The following PSG8 variants were observed in gnomAD, a reference collection of about 807,000 sequenced individuals.
PSG8 encodes pregnancy-specific beta-1-glycoprotein 8.
Under a neutral mutation model 42.5 loss-of-function variants are expected in PSG8, and 57 were observed. The observed-to-expected ratio is 1.34, with a 90% CI of 1.08 to 1.67. The LOEUF is 1.67. Ranked by LOEUF, PSG8 falls within the 40% of genes most tolerant of loss-of-function variation. PSG8 has a pLI of 0.00. For missense variants in PSG8, 783 were observed against 518.6 expected (o/e 1.51, Z -4.95); for synonymous variants, 280 against 196.8 (o/e 1.42, Z -3.54).
At chr19:42,764,420 A>C in intron 1 of PSG8, 139 bp from the exon 2 acceptor site, 1 of 1,409,258 alleles carries the variant, frequency 7.1e-7, no homozygotes, top group South Asian at 1.4e-5. Context: ...ACACGCACAC[A>C]CACACACAAA....
At chr19:42,756,207 G>A (rs935527356) in intron 3 of PSG8, 2 of 152,146 alleles carry the variant, frequency 1.3e-5, no homozygotes, top group Non-Finnish European at 2.9e-5. Flanking sequence ...TCTTTCACTG[G>A]ACATTCTACT....
intron 2 of PSG8, among the ~76,000 whole-genome samples, chr19:42,761,329 G>T (rs558408293): frequency 6.6e-6 from 1 of 152,152 alleles, no homozygotes; most frequent in African/African-American, 2.4e-5. Flanking sequence ...TAAAACTAGT[G>T]AAAGACCATG....
In PSG8 at chr19:42,765,510, C is replaced by A; in HGVS notation, c.64+8G>T. The A allele has an allele frequency of 6.2e-7, 1 of 1,610,508 alleles. No homozygotes were observed. The highest frequency in any genetic ancestry group is 8.5e-7 in the Non-Finnish European group (1 of 1,177,672). ...CTCCTGTCCTCTCCCAGGAGGTTCT[C>A]TCCTCACCTGTGAGCAGGAGCCCCT... is the stretch of plus-strand genomic sequence containing the variant. On this transcript the variant is annotated splice_region_variant and intron_variant, in intron 1 of 4. Transcript: ENST00000306511.
At chr19:42,761,196 A>G (rs1970064261) in intron 2 of PSG8, among the ~76,000 whole-genome samples, 1 of 152,188 alleles carries the variant, frequency 6.6e-6, no homozygotes, top group South Asian at 2.1e-4. Context: ...GTCCTCACTC[A>G]TTGCTGGGCA....
At chr19:42,758,572 C>G in intron 2 of PSG8, 1 of 534,926 alleles carries the variant, frequency 1.9e-6, no homozygotes, top group African/African-American at 1.9e-5. Flanking sequence ...TCTCTGAGTC[C>G]CTCCGTCTCC....
intron 4 of PSG8, 145 bp from the exon 5 acceptor site, chr19:42,754,732 C>T (rs1969872738): frequency 1.5e-6 from 2 of 1,312,580 alleles, no homozygotes; most frequent in East Asian, 2.5e-5. Flanking sequence ...TGAGCCGAAT[C>T]CTCAGGTATT....
chr19:42,753,064 C>A (rs1404405468), downstream of PSG8: 2 of 592,000 alleles, frequency 3.4e-6, no homozygotes, highest in South Asian at 2.0e-5. Context: ...TGAGCAAGGA[C>A]AGTTAAGAGG....
downstream of PSG8, chr19:42,752,897 C>T: frequency 7.4e-6 from 2 of 270,052 alleles, no homozygotes; most frequent in Non-Finnish European, 1.4e-5. Flanking sequence ...TATTGGGAGT[C>T]CTGTATGCAA....
At chr19:42,759,551 C>T (rs144774869) in intron 2 of PSG8, among the ~76,000 whole-genome samples, 2 of 152,134 alleles carry the variant, frequency 1.3e-5, no homozygotes, top group African/African-American at 4.8e-5. Flanking sequence ...TTAAAATGCA[C>T]AATGCGCCAG....
intron 2 of PSG8, among the ~76,000 whole-genome samples, chr19:42,762,007 C>A (rs1391149066): frequency 3.3e-5 from 5 of 151,998 alleles, no homozygotes; most frequent in South Asian, 2.1e-4. Context: ...GACCTGGGGA[C>A]ATTGGCTCGA....
In PSG8 at chr19:42,760,063, C is replaced by A. The variant is rs191993444; in HGVS notation, c.431-1783G>T. Among the ~76,000 whole-genome samples the A allele has an allele frequency of 3.2e-3, 486 of 152,168 alleles. 6 individuals are homozygous for A. Among genetic ancestry groups the A allele is most frequent in the Non-Finnish European group, 6.0e-3 (408 of 67,984 alleles). ...GAACTCCCTGCTTCTAAATTCTGTGCAGAGTTAGGAAAAATGGGGAGGACC... is the reference window on the plus strand; with the variant it reads ...GAACTCCCTGCTTCTAAATTCTGTGAAGAGTTAGGAAAAATGGGGAGGACC... On this transcript the variant is annotated intron_variant, in intron 2 of 4. Transcript: ENST00000306511.
chr19:42,756,863 AT>A (rs942594378), intron 3 of PSG8, among the ~76,000 whole-genome samples: 1 of 151,656 alleles, frequency 6.6e-6, no homozygotes, highest in Non-Finnish European at 1.5e-5. Flanking sequence ...GTGTTTTCTA[AT>A]TCTGCAAAAA....
At position 42,758,258 on chromosome 19, in the gene PSG8, G is replaced by A. The variant is rs149695044; in HGVS notation, c.453C>T (p.Ile151=). The change falls in exon 3 of 5, where the codon ATC becomes ATT. Residue 151 remains isoleucine, a synonymous_variant. Transcript: ENST00000306511. ...TLYLETPKPS[I]SSSKLNPREA... ...CCCTGGGGTTTAATTTGCTGCTGGA[G>A]ATGGAGGGCTTGGGAGTCTCCACTG... is the stretch of plus-strand genomic sequence containing the variant. 49 of 1,614,002 alleles carry A rather than the reference G, an allele frequency of 3.0e-5. No homozygotes were observed. The African/African-American group carries it at 6.0e-4, about 20-fold the overall frequency.
chr19:42,760,436 ATGT>A (rs1322208587), intron 2 of PSG8, among the ~76,000 whole-genome samples: 2 of 152,130 alleles, frequency 1.3e-5, no homozygotes, highest in Non-Finnish European at 2.9e-5. Flanking sequence ...TGAAGTTGAA[ATGT>A]TGTTCCACTT....
In PSG8 at chr19:42,754,440, A is replaced by C; in HGVS notation, c.1136T>G (p.Leu379Arg). The change falls in exon 5 of 5, where the codon CTC becomes CGC. Residue 379 changes from leucine (L) to arginine (R), a missense_variant. By Grantham distance (102) the Leu-to-Arg change is moderately radical. Transcript: ENST00000306511. ...NGKFQLSGQKLFIPQITTKHS... is the reference protein window; with the variant it reads ...NGKFQLSGQKRFIPQITTKHS... ...CTTTGTAGTAATTTGGGGGATAAAG[A>C]GCTTTTGTCCTGATAGCTGAAACTT... is the stretch of plus-strand genomic sequence containing the variant. 6.2e-7 allele frequency: 1 copy of C among 1,613,870 alleles called. No homozygotes were observed.
downstream of PSG8, chr19:42,752,987 C>A (rs1969819473): frequency 2.1e-6 from 1 of 467,352 alleles, no homozygotes; most frequent in African/African-American, 1.9e-5. Context: ...TCTATTGTTA[C>A]CCTCAGAAGC....
At chr19:42,763,757 T>A (rs1970135640) in intron 2 of PSG8, 159 bp downstream of exon 2, 1 of 1,377,388 alleles carries the variant, frequency 7.3e-7, no homozygotes, top group Non-Finnish European at 1.0e-6. Context: ...TGTTGAAATT[T>A]GTCTCCTCTG....
chr19:42,765,471 C>G (rs368091087), intron 1 of PSG8, 47 bp downstream of exon 1: 42 of 1,605,506 alleles, frequency 2.6e-5, no homozygotes, highest in Admixed American at 3.3e-5. Context: ...CCCATCCAGT[C>G]ACTCTGCTTC....
intron 2 of PSG8, among the ~76,000 whole-genome samples, chr19:42,760,209 C>T (rs1209918725): frequency 1.3e-5 from 2 of 151,998 alleles, no homozygotes; most frequent in African/African-American, 2.4e-5. Flanking sequence ...CATGTGTCTC[C>T]CCACACGCAG....
Sources: gnomAD v4.1 joint callset for allele counts (sites outside exome capture counted in the v4.1 genomes callset) on GRCh38, gnomAD v4.1.1 for gene constraint, MANE v1.5 for transcripts, NCBI Gene and HGNC (gene_info 2026-07-23, HGNC 2026-07-21) for gene names.